KLHL29: variants seen among roughly 807,000 people sequenced by gnomAD.
KLHL29 encodes kelch-like protein 29.
Under a neutral mutation model 80.4 loss-of-function variants are expected in KLHL29, and 21 were observed. That is an observed-to-expected ratio of 0.26 (90% confidence interval 0.19 to 0.38). The LOEUF is 0.38. KLHL29 is among the 10% of genes least tolerant of loss of function. The pLI, the probability that KLHL29 is intolerant of heterozygous loss-of-function variation, is 1.00. For missense variants in KLHL29, 867 were observed against 1,223.9 expected, an observed-to-expected ratio of 0.71 and a Z score of 4.35; for synonymous variants, 511 against 526.8, an observed-to-expected ratio of 0.97 and a Z score of 0.41.
intron 2 of KLHL29, among the ~76,000 whole-genome samples, chr2:23,482,567 C>CTG (rs1033673969): frequency 6.6e-6 from 1 of 152,220 alleles, no homozygotes; most frequent in Non-Finnish European, 1.5e-5. Flanking sequence ...AGGGAAAGCA[C>CTG]TGTGTGTGCA....
At chr2:23,646,724 ATCC>A (rs1347851528) in intron 5 of KLHL29, among the ~76,000 whole-genome samples, 1 of 152,068 alleles carries the variant, frequency 6.6e-6, no homozygotes, top group Non-Finnish European at 1.5e-5. Context: ...CACACCATTC[ATCC>A]TCGCTGCTGC....
chr2:23,509,461 C>A (rs1160218385), intron 2 of KLHL29, among the ~76,000 whole-genome samples: 2 of 151,646 alleles, frequency 1.3e-5, no homozygotes, highest in African/African-American at 4.9e-5. Flanking sequence ...GGGACAGGGG[C>A]GGATGGTATA....
chr2:23,424,032 C>G (rs993006826), intron 1 of KLHL29, among the ~76,000 whole-genome samples: 1 of 152,184 alleles, frequency 6.6e-6, no homozygotes, highest in African/African-American at 2.4e-5. Context: ...TGAGGTGCTG[C>G]CTCTTCACAC....
intron 3 of KLHL29, among the ~76,000 whole-genome samples, chr2:23,582,620 C>T (rs17041545): frequency 0.57 from 87,105 of 152,024 alleles, 27,526 homozygotes; most frequent in East Asian, 0.77. Flanking sequence ...GCTTTGTGTT[C>T]CAACCCTGTT....
intron 2 of KLHL29, among the ~76,000 whole-genome samples, chr2:23,525,915 C>T (rs907064903): frequency 6.6e-6 from 1 of 152,196 alleles, no homozygotes; most frequent in Admixed American, 6.5e-5. Flanking sequence ...GGAGCTGGCA[C>T]GAAGCTTCCT....
chr2:23,581,172 T>C lies in KLHL29; in HGVS notation c.285+18691T>C, dbSNP rs544503204. Among the ~76,000 whole-genome samples the C allele has an allele frequency of 7.2e-5, 11 of 152,174 alleles. No homozygotes were observed. In the South Asian group the frequency reaches 2.3e-3, roughly 32 times the overall value. On this transcript the variant is annotated intron_variant, in intron 3 of 13. Transcript: ENST00000486442. ...ACAATGACATCTTCTGGTTTCTCCA[T>C]GTTCTTCTGAGGAAGTCAGACACCC...
In KLHL29 at chr2:23,536,920, T is replaced by A. The variant is rs186105295; in HGVS notation, c.-45-25232T>A. On this transcript the variant is annotated intron_variant, in intron 2 of 13. Transcript: ENST00000486442. ...CACACACACACACACACACACACAC[T>A]CTCTCTCTCCCTCTCTCGCTCTCTC... 4.5e-3 allele frequency among the ~76,000 whole-genome samples: 184 copies of A among 40,474 alleles called. 1 individual carries two copies. The highest frequency in any genetic ancestry group is 0.027 in the Middle Eastern group (2 of 74). 26.6% of individuals were successfully genotyped at this position (40,474 alleles called of 152,430 possible).
chr2:23,516,233 C>CT (rs57802314), intron 2 of KLHL29, among the ~76,000 whole-genome samples: 15,447 of 152,124 alleles, frequency 0.1, 907 homozygotes, highest in African/African-American at 0.15. Flanking sequence ...ACCCTTGACT[C>CT]TGGGGCCATG....
chr2:23,467,332 A>G (rs776647658), intron 1 of KLHL29, among the ~76,000 whole-genome samples: 2 of 152,238 alleles, frequency 1.3e-5, no homozygotes, highest in Non-Finnish European at 2.9e-5. Flanking sequence ...TTCTCATTCT[A>G]TTTCCAGCTC....
rs565560775 is a variant in KLHL29 at position 23,565,686 on chromosome 2, G to A, written c.285+3205G>A. ...AGTGGATGGTGGGGTGGGTGGGCGA[G>A]GTTGGCCGGGTAGAAGCCAGGAGCA... On this transcript the variant is annotated intron_variant, in intron 3 of 13. Transcript: ENST00000486442. Among the ~76,000 whole-genome samples the A allele has an allele frequency of 1.1e-4, 17 of 152,320 alleles. No individual in the cohort carries two copies. The South Asian group carries it at 3.1e-3, about 28-fold the overall frequency.
In KLHL29 at chr2:23,670,913, A is replaced by C. The variant is rs200490554; in HGVS notation, c.941-13486A>C. On this transcript the variant is annotated intron_variant, in intron 5 of 13. Transcript: ENST00000486442. ...AAGGGAGGGGTCTCTACACACATGC[A>C]CGCGCTCTCTCTCTCTCTCTCTCTC... 2.6e-4 allele frequency among the ~76,000 whole-genome samples: 4 copies of C among 15,422 alleles called. 1 individual carries two copies. The highest frequency in any genetic ancestry group is 2.2e-3 in the Admixed American group (2 of 918). The allele number at this position is 15,422 out of a possible 152,430, so 10.1% of individuals were successfully genotyped here.
chr2:23,460,923 A>G (rs1449599789), intron 1 of KLHL29, among the ~76,000 whole-genome samples: 2 of 152,230 alleles, frequency 1.3e-5, no homozygotes, highest in Non-Finnish European at 2.9e-5. Flanking sequence ...CGTGACTGAT[A>G]AGGGCGGAAG....
chr2:23,464,410 C>T (rs748953529), intron 1 of KLHL29, among the ~76,000 whole-genome samples: 1 of 152,208 alleles, frequency 6.6e-6, no homozygotes, highest in Non-Finnish European at 1.5e-5. Flanking sequence ...CTCCAGCTGC[C>T]TTCGGGGGGG....
At chr2:23,470,054 A>G (rs565816379) in intron 1 of KLHL29, among the ~76,000 whole-genome samples, 1 of 152,016 alleles carries the variant, frequency 6.6e-6, no homozygotes, top group African/African-American at 2.4e-5. Flanking sequence ...TTGGTTTGCA[A>G]CTTTTTTTCC....
chr2:23,614,825 T>G (rs1207193523), intron 3 of KLHL29, among the ~76,000 whole-genome samples: 1 of 152,054 alleles, frequency 6.6e-6, no homozygotes, highest in Non-Finnish European at 1.5e-5. Flanking sequence ...GGCTGGTGTG[T>G]TCAGGAAACA....
At chr2:23,580,072 G>A (rs1054103253) in intron 3 of KLHL29, among the ~76,000 whole-genome samples, 3 of 152,158 alleles carry the variant, frequency 2.0e-5, no homozygotes. Context: ...GAAATTCCAC[G>A]TAAAAAATCT....
chr2:23,549,495 G>A (rs774251707), intron 2 of KLHL29, among the ~76,000 whole-genome samples: 22 of 151,926 alleles, frequency 1.4e-4, no homozygotes, highest in South Asian at 4.2e-4. Context: ...TTAAAAACAC[G>A]GACATAGAAT....
chr2:23,404,696 G>T (rs1422593695), intron 1 of KLHL29, among the ~76,000 whole-genome samples: 2 of 152,212 alleles, frequency 1.3e-5, no homozygotes, highest in African/African-American at 4.8e-5. Context: ...TTGTATGTAT[G>T]CTTCCACTTA....
Position 23,642,929 on chromosome 2 carries a change from A to G in KLHL29, c.940+79A>G, listed in dbSNP as rs534906851. ...GCGGTCACTGCAACACCACCGGGAC[A>G]GGGGGTGCTTCATGCCAGCTCCTTC... On this transcript the variant is annotated intron_variant, in intron 5 of 13. Coordinates refer to ENST00000486442, the MANE Select transcript of KLHL29 (RefSeq NM_052920.2). 23 of 1,491,776 alleles carry G rather than the reference A, an allele frequency of 1.5e-5. No homozygotes were observed. In the South Asian group the frequency reaches 2.4e-4, roughly 16 times the overall value. The allele number at this position is 1,491,776 out of a possible 1,614,324, so 92.4% of individuals were successfully genotyped here.
Sources: allele counts gnomAD v4.1 joint callset (sites outside exome capture counted in the v4.1 genomes callset), GRCh38; gene constraint gnomAD v4.1.1; transcripts MANE v1.5; gene names NCBI Gene and HGNC (gene_info 2026-07-23, HGNC 2026-07-21).